NXPE4: variants seen among roughly 807,000 people sequenced by gnomAD.
NXPE4 encodes NXPE family member 4.
A neutral mutation model predicts 33.3 loss-of-function variants in NXPE4; 42 were observed. The ratio of observed to expected loss-of-function variants is 1.26; its 90% CI spans 0.98 to 1.63. NXPE4 has a LOEUF of 1.63. NXPE4 is among the 40% of genes most tolerant of loss of function. NXPE4 has a pLI of 0.00. For missense variants in NXPE4, 709 were observed against 647.6 expected (o/e 1.09, Z -1.03); for synonymous variants, 253 against 234.9 (o/e 1.08, Z -0.71).
chr11:114,656,957 G>C, the NXPE4 span, among the ~76,000 whole-genome samples: 4 of 152,124 alleles, frequency 2.6e-5, no homozygotes, highest in African/African-American at 9.7e-5. Flanking sequence ...AGCCAGGCGT[G>C]GTGGTGGACA....
At chr11:114,625,189 G>A in the NXPE4 span, among the ~76,000 whole-genome samples, 5 of 152,178 alleles carry the variant, frequency 3.3e-5, no homozygotes, top group South Asian at 2.1e-4. Flanking sequence ...TGGATAATAC[G>A]TGTGGCCTTG....
At chr11:114,641,291 A>G in the NXPE4 span, among the ~76,000 whole-genome samples, 1 of 152,018 alleles carries the variant, frequency 6.6e-6, no homozygotes, top group Non-Finnish European at 1.5e-5. Context: ...AAATTCCAGA[A>G]AGGTAGTGTA....
chr11:114,613,104 G>T, the NXPE4 span, among the ~76,000 whole-genome samples: 44 of 151,486 alleles, frequency 2.9e-4, 1 homozygote, highest in African/African-American at 1.0e-3. Flanking sequence ...TGCCTCCCAG[G>T]TAACCACTGT....
chr11:114,610,212 A>G, the NXPE4 span, among the ~76,000 whole-genome samples: 4 of 151,246 alleles, frequency 2.6e-5, no homozygotes, highest in African/African-American at 9.7e-5. Context: ...ACTGTTACCC[A>G]GTCAATAATA....
At chr11:114,647,916 C>T in the NXPE4 span, among the ~76,000 whole-genome samples, 148 of 152,148 alleles carry the variant, frequency 9.7e-4, 1 homozygote, top group East Asian at 0.027. Flanking sequence ...TGCCCAGTCT[C>T]GTCTTGAACT....
the NXPE4 span, among the ~76,000 whole-genome samples, chr11:114,627,835 C>A: frequency 1.3e-4 from 20 of 150,858 alleles, no homozygotes; most frequent in Non-Finnish European, 2.5e-4. Flanking sequence ...ATCTACCAAG[C>A]AAATGGAAAA....
the NXPE4 span, among the ~76,000 whole-genome samples, chr11:114,609,966 G>C: frequency 6.6e-6 from 1 of 151,160 alleles, no homozygotes; most frequent in Non-Finnish European, 1.5e-5. Flanking sequence ...TTACACGGTG[G>C]ATAATAGTTG....
Position 114,571,132 on chromosome 11 carries a change from A to G in NXPE4, c.1441T>C (p.Tyr481His). 6.2e-7 allele frequency: 1 copy of G among 1,613,916 alleles called. No individual in the cohort carries two copies. The highest frequency in any genetic ancestry group is 8.5e-7 in the Non-Finnish European group (1 of 1,179,882). Reference protein sequence around the residue: ...IIKTENIREMYNDAERFSDFH... With the variant: ...IIKTENIREMHNDAERFSDFH... ...TCACTAAATCTTTCTGCATCATTGT[A>G]CATCTCCCTGATGTTTTCTGTTTTG... Residue 481 changes from tyrosine to histidine, a missense_variant, in exon 6 of 6, where the codon TAC becomes CAC. Transcript: ENST00000375478.
At position 114,594,709 on chromosome 11, in the gene NXPE4, T is replaced by C. The variant is rs1011940381; in HGVS notation, c.51A>G (p.Ile17Met). ...NYKSLLALLFILASWIIFTVF... is the reference protein window; with the variant it reads ...NYKSLLALLFMLASWIIFTVF... ...CTGTAAAAATGATCCAGGAGGCTAA[T>C]ATAAACAACAGTGCCAATAGTGACT... The change falls in exon 2 of 6, where the codon ATA (isoleucine) becomes ATG (methionine). Residue 17 changes from isoleucine to methionine, a missense_variant. Transcript: ENST00000375478. 3.1e-6 allele frequency: 5 copies of C among 1,604,590 alleles called. No homozygotes were observed. The highest frequency in any genetic ancestry group is 4.3e-6 in the Non-Finnish European group (5 of 1,172,892).
At chr11:114,632,629 TAATA>T in the NXPE4 span, among the ~76,000 whole-genome samples, 1 of 100,018 alleles carries the variant, frequency 1.0e-5, no homozygotes, top group Non-Finnish European at 1.8e-5. Context: ...TATTTATATA[TAATA>T]AATGTAAATA....
chr11:114,631,058 A>G, the NXPE4 span, among the ~76,000 whole-genome samples: 3 of 151,732 alleles, frequency 2.0e-5, no homozygotes, highest in African/African-American at 4.8e-5. Flanking sequence ...AAATAGGAAC[A>G]CTTTTACACT....
chr11:114,652,636 G>A, the NXPE4 span, among the ~76,000 whole-genome samples: 1 of 152,212 alleles, frequency 6.6e-6, no homozygotes, highest in Non-Finnish European at 1.5e-5. Flanking sequence ...AGGTAATAAA[G>A]TCTTGAAATC....
At chr11:114,603,944 G>T in the NXPE4 span, among the ~76,000 whole-genome samples, 1 of 150,804 alleles carries the variant, frequency 6.6e-6, no homozygotes, top group Non-Finnish European at 1.5e-5. Context: ...AATAAGTATT[G>T]CCTCTTCTCC....
intron 2 of NXPE4, among the ~76,000 whole-genome samples, 157 bp downstream of exon 2, chr11:114,594,507 A>G (rs375617346): frequency 6.6e-6 from 1 of 152,214 alleles, no homozygotes; most frequent in African/African-American, 2.4e-5. Flanking sequence ...ATCCTCTCAC[A>G]TATTGCTTAA....
chr11:114,639,159 G>A, the NXPE4 span, among the ~76,000 whole-genome samples: 4 of 152,032 alleles, frequency 2.6e-5, no homozygotes, highest in East Asian at 7.7e-4. Flanking sequence ...ACCTAAGCAA[G>A]CCTGGGCAAT....
chr11:114,668,425 A>G, the NXPE4 span, among the ~76,000 whole-genome samples: 8 of 151,990 alleles, frequency 5.3e-5, no homozygotes, highest in Admixed American at 3.3e-4. Context: ...ACACAGCAGT[A>G]GATAACTAAT....
the NXPE4 span, among the ~76,000 whole-genome samples, chr11:114,632,142 T>G: frequency 7.0e-6 from 1 of 143,462 alleles, no homozygotes; most frequent in Non-Finnish European, 1.5e-5. Context: ...ATATTATAAT[T>G]TATTATGTTA....
the NXPE4 span, among the ~76,000 whole-genome samples, chr11:114,603,144 G>T: frequency 1.0e-3 from 155 of 151,860 alleles, 1 homozygote; most frequent in Admixed American, 8.4e-3. Context: ...AATAATTATT[G>T]CCTTGTCTCC....
chr11:114,641,397 G>C, the NXPE4 span, among the ~76,000 whole-genome samples: 11 of 151,994 alleles, frequency 7.2e-5, no homozygotes, highest in African/African-American at 2.7e-4. Context: ...GGAAATCTCA[G>C]CAACTTTCAA....
Sources: gnomAD v4.1 joint callset for allele counts (sites outside exome capture counted in the v4.1 genomes callset) on GRCh38, gnomAD v4.1.1 for gene constraint, MANE v1.5 for transcripts, NCBI Gene and HGNC (gene_info 2026-07-23, HGNC 2026-07-21) for gene names.